Variants in DTWD2 observed in about 807,000 individuals in gnomAD.
The protein encoded by DTWD2 is tRNA-uridine aminocarboxypropyltransferase 2.
A neutral mutation model predicts 31.8 loss-of-function variants in DTWD2; 39 were observed. That is an observed-to-expected ratio of 1.22 (90% CI 0.95 to 1.60). DTWD2 has a LOEUF of 1.60. Among genes scored for constraint, DTWD2 ranks in the 40% most tolerant of loss-of-function variants. DTWD2 has a pLI of 0.00. For missense variants in DTWD2, 515 were observed against 381.5 expected, an observed-to-expected ratio of 1.35 and a Z score of -2.92; for synonymous variants, 180 against 142.8, an observed-to-expected ratio of 1.26 and a Z score of -1.86.
intron 5 of DTWD2, among the ~76,000 whole-genome samples, chr5:118,845,397 A>T (rs368390607): frequency 5.3e-5 from 8 of 152,160 alleles, no homozygotes; most frequent in Non-Finnish European, 1.0e-4. Flanking sequence ...CTAGATGCTA[A>T]TTTTTTTCTC....
chr5:118,886,996 A>G (rs975743444), intron 4 of DTWD2, among the ~76,000 whole-genome samples: 4 of 152,186 alleles, frequency 2.6e-5, no homozygotes, highest in South Asian at 4.1e-4. Flanking sequence ...GTGTTTATCT[A>G]TTTTACAATG....
chr5:118,942,155 G>A (rs950265887), intron 2 of DTWD2, among the ~76,000 whole-genome samples: 10 of 152,130 alleles, frequency 6.6e-5, no homozygotes, highest in Non-Finnish European at 4.4e-5. Context: ...TGGAAATGGT[G>A]TGCTGAAGTT....
intron 5 of DTWD2, among the ~76,000 whole-genome samples, chr5:118,845,912 C>T (rs1285573622): frequency 3.9e-5 from 6 of 152,002 alleles, no homozygotes; most frequent in Non-Finnish European, 8.8e-5. Flanking sequence ...TTCAAGTCAG[C>T]CTGTGGCTTT....
rs192648445 is a variant in DTWD2 at position 118,846,763 on chromosome 5, A to G, written c.726+1327T>C. Among the ~76,000 whole-genome samples, 967 of 152,286 alleles carry G rather than the reference A, an allele frequency of 6.3e-3. 5 individuals carry two copies. Among genetic ancestry groups the G allele is most frequent in the Non-Finnish European group, 6.9e-3 (469 of 67,986 alleles). On this transcript the variant is annotated intron_variant, in intron 5 of 5. Coordinates refer to ENST00000510708, the MANE Select transcript of DTWD2 (RefSeq NM_173666.4). ...AAGTACTATGTTTATGGCTAGGGACATGGGAGTAGGTGACATGGTTAGAGG... is the reference window on the plus strand; with the variant it reads ...AAGTACTATGTTTATGGCTAGGGACGTGGGAGTAGGTGACATGGTTAGAGG...
intron 1 of DTWD2, among the ~76,000 whole-genome samples, chr5:118,956,183 A>T (rs1754583886): frequency 6.6e-6 from 1 of 152,232 alleles, no homozygotes; most frequent in East Asian, 1.9e-4. Context: ...GAGCTAATTT[A>T]TAACAGACTG....
intron 4 of DTWD2, among the ~76,000 whole-genome samples, chr5:118,905,836 T>C (rs1330808114): frequency 1.3e-5 from 2 of 152,198 alleles, no homozygotes; most frequent in Non-Finnish European, 2.9e-5. Flanking sequence ...CCTTATTTTT[T>C]AACATCATGT....
At chr5:118,968,571 G>A (rs949225459) in intron 1 of DTWD2, among the ~76,000 whole-genome samples, 12 of 152,180 alleles carry the variant, frequency 7.9e-5, no homozygotes, top group African/African-American at 2.9e-4. Flanking sequence ...CAGTGAGTGT[G>A]CGACCCCACC....
At chr5:118,921,828 T>G (rs1265935692) in intron 4 of DTWD2, among the ~76,000 whole-genome samples, 1 of 152,124 alleles carries the variant, frequency 6.6e-6, no homozygotes, top group African/African-American at 2.4e-5. Context: ...AAAACTGAAG[T>G]TTTGGATAAA....
At chr5:118,851,771 A>G (rs1752012428) in intron 4 of DTWD2, among the ~76,000 whole-genome samples, 2 of 151,522 alleles carry the variant, frequency 1.3e-5, no homozygotes, top group Admixed American at 6.6e-5. Context: ...GCACACCAAC[A>G]TGGCACATGT....
chr5:118,950,204 C>T (rs1754430211), intron 1 of DTWD2, among the ~76,000 whole-genome samples: 2 of 125,336 alleles, frequency 1.6e-5, no homozygotes, highest in Admixed American at 1.7e-4. Context: ...CAGAGTGAGA[C>T]TCCATCTCCA....
At chr5:118,898,924 C>T (rs1249942806) in intron 4 of DTWD2, among the ~76,000 whole-genome samples, 1 of 152,092 alleles carries the variant, frequency 6.6e-6, no homozygotes, top group African/African-American at 2.4e-5. Context: ...ATATTATTTG[C>T]CAATTCTGTA....
intron 1 of DTWD2, among the ~76,000 whole-genome samples, chr5:118,973,017 TTTACAGTCTGTTTTATCAGAAAC>T (rs1343999666): frequency 1.4e-4 from 21 of 152,308 alleles, no homozygotes; most frequent in South Asian, 2.1e-4. Flanking sequence ...TCTTTGTTGG[TTTACAGTCTGTTTTATCAGAAAC>T]TTACAGTCTG....
intron 4 of DTWD2, among the ~76,000 whole-genome samples, chr5:118,893,257 A>G (rs1561444658): frequency 6.7e-6 from 1 of 149,774 alleles, no homozygotes; most frequent in African/African-American, 2.5e-5. Context: ...ACTACTTGGG[A>G]GGCTGAGGCA....
chr5:118,976,041 C>G (rs1755149086), intron 1 of DTWD2, among the ~76,000 whole-genome samples: 1 of 152,182 alleles, frequency 6.6e-6, no homozygotes, highest in African/African-American at 2.4e-5. Context: ...GAAACTCACT[C>G]AAAACCTCAC....
At chr5:118,857,879 G>A (rs1256670945) in intron 4 of DTWD2, among the ~76,000 whole-genome samples, 3 of 152,166 alleles carry the variant, frequency 2.0e-5, no homozygotes, top group Admixed American at 6.5e-5. Flanking sequence ...AAGTGGTTGT[G>A]CAACTGGACT....
chr5:118,843,299 G>T (rs1270710271), intron 5 of DTWD2, among the ~76,000 whole-genome samples: 1 of 150,380 alleles, frequency 6.6e-6, no homozygotes, highest in East Asian at 1.9e-4. Flanking sequence ...GGAAGGGAAA[G>T]GAAGGGAAAG....
intron 4 of DTWD2, among the ~76,000 whole-genome samples, chr5:118,878,815 T>C (rs959827584): frequency 1.3e-5 from 2 of 152,004 alleles, no homozygotes; most frequent in Non-Finnish European, 2.9e-5. Context: ...AAAAAAATCC[T>C]ATTAAAAAGT....
intron 4 of DTWD2, among the ~76,000 whole-genome samples, chr5:118,849,104 G>A (rs964614464): frequency 3.3e-5 from 5 of 152,108 alleles, no homozygotes; most frequent in Non-Finnish European, 5.9e-5. Flanking sequence ...CAGAATGGGA[G>A]AAAAATTTTG....
chr5:118,939,311 G>A, intron 2 of DTWD2, 21 bp from the exon 3 acceptor site: 1 of 1,535,188 alleles, frequency 6.5e-7, no homozygotes. Context: ...AAAATGAATT[G>A]AAACATAGAT....
Sources: gnomAD v4.1 joint callset for allele counts (sites outside exome capture counted in the v4.1 genomes callset) on GRCh38, gnomAD v4.1.1 for gene constraint, MANE v1.5 for transcripts, NCBI Gene and HGNC (gene_info 2026-07-23, HGNC 2026-07-21) for gene names.